Variants in SHISA6 observed in about 807,000 individuals in gnomAD.
The protein encoded by SHISA6 is shisa family member 6, also known as protein shisa-6.
In SHISA6, 22 loss-of-function variants were observed where a neutral mutation model predicts 47.9. That is an observed-to-expected ratio of 0.46 (90% CI 0.33 to 0.66). The LOEUF (loss-of-function observed/expected upper bound fraction) is 0.66. SHISA6 is among the 30% of genes least tolerant of loss of function. The pLI is 0.02. For synonymous variants in SHISA6, 388 were observed against 337.8 expected (o/e 1.15, Z -1.63); for missense variants, 680 against 764.6 (o/e 0.89, Z 1.30).
chr17:11,471,908 C>T (rs927337916), intron 3 of SHISA6, among the ~76,000 whole-genome samples: 3 of 152,136 alleles, frequency 2.0e-5, no homozygotes, highest in African/African-American at 4.8e-5. Context: ...TGTAGTGGTA[C>T]ATTCATTAAA....
At chr17:11,268,342 C>T (rs1473646713) in intron 2 of SHISA6, among the ~76,000 whole-genome samples, 1 of 152,150 alleles carries the variant, frequency 6.6e-6, no homozygotes, top group Non-Finnish European at 1.5e-5. Context: ...GAGGAGCACT[C>T]TGCCACAGTC....
In SHISA6 at chr17:11,303,205, T is replaced by TTG. The variant is rs145384262; in HGVS notation, c.799+39695_799+39696dup. ...TTTGAGTGTGTGTGCTTGTGTGGTTTTGTGTGTGTGTGTGTGTAAGATTCA... is the reference window on the plus strand; with the variant it reads ...TTTGAGTGTGTGTGCTTGTGTGGTTTTGTGTGTGTGTGTGTGTGTAAGATTCA... On this transcript the variant is annotated intron_variant, in intron 2 of 5. Coordinates refer to ENST00000441885, the MANE Select transcript of SHISA6 (RefSeq NM_207386.4). 7.2e-4 allele frequency among the ~76,000 whole-genome samples: 109 copies of TTG among 150,902 alleles called. 1 individual carries two copies. Among genetic ancestry groups the TTG allele is most frequent in the Admixed American group, 3.2e-3 (49 of 15,122 alleles).
At position 11,535,907 on chromosome 17, in the gene SHISA6, G is replaced by A. The variant is rs73975003; in HGVS notation, c.896-15989G>A. Among the ~76,000 whole-genome samples the A allele has an allele frequency of 2.6e-3, 371 of 140,514 alleles. 1 individual carries two copies. The highest frequency in any genetic ancestry group is 9.5e-3 in the African/African-American group (354 of 37,298). 92.2% of individuals were successfully genotyped at this position (140,514 alleles called of 152,430 possible). Reference sequence around the variant, plus strand: ...ACAATGTGTGTGTGTGTGTGTGTGTGGTGTGTGTGTATATATCTATATACA... The same window carrying A: ...ACAATGTGTGTGTGTGTGTGTGTGTAGTGTGTGTGTATATATCTATATACA... On this transcript the variant is annotated intron_variant, in intron 3 of 5. Coordinates refer to ENST00000441885, the MANE Select transcript of SHISA6 (RefSeq NM_207386.4).
At chr17:11,312,387 T>C (rs968024488) in intron 2 of SHISA6, among the ~76,000 whole-genome samples, 3 of 152,188 alleles carry the variant, frequency 2.0e-5, no homozygotes, top group African/African-American at 7.2e-5. Context: ...TCACTGTTTG[T>C]TATGGTTTTT....
At chr17:11,497,825 A>G (rs1220241004) in intron 3 of SHISA6, among the ~76,000 whole-genome samples, 1 of 151,354 alleles carries the variant, frequency 6.6e-6, no homozygotes, top group Non-Finnish European at 1.5e-5. Context: ...TGGCTCAGAC[A>G]CCTCCTCACC....
At chr17:11,306,038 C>G (rs1910098293) in intron 2 of SHISA6, among the ~76,000 whole-genome samples, 1 of 152,188 alleles carries the variant, frequency 6.6e-6, no homozygotes, top group Non-Finnish European at 1.5e-5. Context: ...AACAACCCCA[C>G]CAAACCTCAT....
At chr17:11,522,700 A>C (rs2071641393) in intron 3 of SHISA6, among the ~76,000 whole-genome samples, 1 of 152,194 alleles carries the variant, frequency 6.6e-6, no homozygotes, top group African/African-American at 2.4e-5. Flanking sequence ...TCCTGGCCTC[A>C]AGCGATCCTC....
chr17:11,246,736 T>G (rs1214465999), intron 1 of SHISA6, among the ~76,000 whole-genome samples: 1 of 152,170 alleles, frequency 6.6e-6, no homozygotes, highest in Non-Finnish European at 1.5e-5. Context: ...CACGCAGACA[T>G]TCACTTAACA....
At chr17:11,288,461 CTAAT>C (rs2142166623) in intron 2 of SHISA6, 1 of 152,154 alleles carries the variant, frequency 6.6e-6, no homozygotes, top group South Asian at 2.1e-4. Flanking sequence ...CCTTCTCTCA[CTAAT>C]TATTGCTGAT....
intron 2 of SHISA6, among the ~76,000 whole-genome samples, chr17:11,355,708 T>C (rs1260216367): frequency 6.6e-6 from 1 of 152,212 alleles, no homozygotes; most frequent in East Asian, 1.9e-4. Context: ...GAAAACTGGC[T>C]GGAAAGGGAA....
At chr17:11,480,783 C>T (rs569660337) in intron 3 of SHISA6, among the ~76,000 whole-genome samples, 1 of 152,256 alleles carries the variant, frequency 6.6e-6, no homozygotes, top group Non-Finnish European at 1.5e-5. Flanking sequence ...AACTTATGAT[C>T]TGAATAGGGG....
intron 2 of SHISA6, among the ~76,000 whole-genome samples, chr17:11,334,874 G>A (rs1377872340): frequency 6.6e-6 from 1 of 152,196 alleles, no homozygotes; most frequent in Non-Finnish European, 1.5e-5. Flanking sequence ...TCCCACTGGA[G>A]GGTGTGTTAT....
At chr17:11,464,536 C>T (rs1029803633) in intron 3 of SHISA6, among the ~76,000 whole-genome samples, 8 of 152,204 alleles carry the variant, frequency 5.3e-5, no homozygotes, top group Non-Finnish European at 7.3e-5. Flanking sequence ...TACACACCCA[C>T]GTCCATGAAA....
intron 3 of SHISA6, among the ~76,000 whole-genome samples, chr17:11,458,860 G>A (rs1029205489): frequency 1.9e-4 from 29 of 151,996 alleles, no homozygotes; most frequent in Non-Finnish European, 2.5e-4. Flanking sequence ...GCATAATCCC[G>A]GCCTGTTCCC....
chr17:11,470,372 C>G (rs947821363), intron 3 of SHISA6, among the ~76,000 whole-genome samples: 1 of 152,202 alleles, frequency 6.6e-6, no homozygotes, highest in African/African-American at 2.4e-5. Flanking sequence ...AGAAGGAGGT[C>G]AGGAGCATCT....
rs537920293 is a variant in SHISA6, at chr17:11,329,186, C to A, written c.800-50228C>A. Among the ~76,000 whole-genome samples the A allele has an allele frequency of 2.6e-5, 4 of 152,242 alleles. No individual in the cohort carries two copies. The South Asian group carries it at 8.3e-4, about 32-fold the overall frequency. On this transcript the variant is annotated intron_variant, in intron 2 of 5. Coordinates refer to ENST00000441885, the MANE Select transcript of SHISA6 (RefSeq NM_207386.4). The stretch of plus-strand genomic sequence containing the variant: ...TAAATGCTGTCTGCCTAGCTAGTAG[C>A]CCTGGTGTAGCCTCTTCCAGTTTCC...
At chr17:11,540,743 A>G (rs1464679260) in intron 3 of SHISA6, among the ~76,000 whole-genome samples, 1 of 152,188 alleles carries the variant, frequency 6.6e-6, no homozygotes, top group Non-Finnish European at 1.5e-5. Context: ...ATGCATGGTA[A>G]ATGTCTGAGA....
chr17:11,288,369 A>G (rs2142166531), intron 2 of SHISA6: 1 of 152,268 alleles, frequency 6.6e-6, no homozygotes, highest in East Asian at 1.9e-4. Context: ...TTTTTTTCAC[A>G]CCTAAAACAG....
intron 2 of SHISA6, among the ~76,000 whole-genome samples, chr17:11,314,616 A>G (rs913457503): frequency 1.3e-5 from 2 of 151,172 alleles, no homozygotes; most frequent in East Asian, 2.0e-4. Context: ...GCTCACTGCA[A>G]CCTCCGTCTC....
Sources: gnomAD v4.1 joint callset for allele counts (sites outside exome capture counted in the v4.1 genomes callset) on GRCh38, gnomAD v4.1.1 for gene constraint, MANE v1.5 for transcripts, NCBI Gene and HGNC (gene_info 2026-07-23, HGNC 2026-07-21) for gene names.